The following PLEKHM3 variants were observed in gnomAD, a reference collection of about 807,000 sequenced individuals.
PLEKHM3 encodes the protein pleckstrin homology domain containing M3.
In PLEKHM3, 45 loss-of-function variants were observed where a neutral mutation model predicts 81.8. That is an observed-to-expected ratio of 0.55 (90% confidence interval 0.43 to 0.71). The LOEUF (loss-of-function observed/expected upper bound fraction) is 0.71. Among genes scored for constraint, PLEKHM3 ranks in the 30% least tolerant of loss-of-function variants. The pLI is 0.00. For missense variants in PLEKHM3, 788 were observed against 924.3 expected (o/e 0.85, Z 1.91); for synonymous variants, 352 against 356.4 (o/e 0.99, Z 0.14).
At chr2:207,936,059 T>A (rs1387599580) in intron 4 of PLEKHM3, among the ~76,000 whole-genome samples, 2 of 152,244 alleles carry the variant, frequency 1.3e-5, no homozygotes, top group Non-Finnish European at 2.9e-5. Flanking sequence ...CATAGTTCAC[T>A]GTAACTTCGA....
intron 7 of PLEKHM3, among the ~76,000 whole-genome samples, chr2:207,841,503 A>ATATATATATATATATATATATG (rs1332419058): frequency 7.5e-6 from 1 of 133,278 alleles, no homozygotes; most frequent in Non-Finnish European, 1.6e-5. Flanking sequence ...ATATATATAT[A>ATATATATATATATATATATATG]TATATTCACC....
chr2:207,842,223 C>T (rs577298838), intron 7 of PLEKHM3, among the ~76,000 whole-genome samples: 29 of 152,174 alleles, frequency 1.9e-4, no homozygotes, highest in African/African-American at 4.6e-4. Context: ...CATGAGCCAC[C>T]GCGCCTGGCC....
At chr2:207,979,814 G>T (rs1461064102) in intron 2 of PLEKHM3, among the ~76,000 whole-genome samples, 1 of 152,162 alleles carries the variant, frequency 6.6e-6, no homozygotes, top group East Asian at 1.9e-4. Context: ...AAGAGAAAAG[G>T]AGAGAAATGA....
chr2:207,895,501 A>G (rs2105879019), intron 6 of PLEKHM3, among the ~76,000 whole-genome samples: 1 of 152,314 alleles, frequency 6.6e-6, no homozygotes, highest in Middle Eastern at 3.4e-3. Flanking sequence ...CTAGCCAAGA[A>G]TCCTTTCACA....
chr2:207,885,966 C>A (rs1687873827), intron 6 of PLEKHM3, among the ~76,000 whole-genome samples: 1 of 152,146 alleles, frequency 6.6e-6, no homozygotes, highest in Non-Finnish European at 1.5e-5. Context: ...TGGGAAGAAT[C>A]ATATCTGAGC....
chr2:207,843,914 A>C lies in PLEKHM3; in HGVS notation c.2109-15418T>G, dbSNP rs2092368276. On this transcript the variant is annotated intron_variant, in intron 7 of 7. Transcript: ENST00000427836. The surrounding 1 kb of genome is among the most constrained non-coding windows in gnomAD (Gnocchi z 4.4). ...AGACCAGTCTGAGCAACATATTGAG[A>C]TCTTGTCTCCACAGATAAATTAACC... Among the ~76,000 whole-genome samples, 1 of 151,982 alleles carries C rather than the reference A, an allele frequency of 6.6e-6. No individual in the cohort carries two copies. The highest frequency in any genetic ancestry group is 1.5e-5 in the Non-Finnish European group (1 of 67,986).
rs541574567 is a variant in PLEKHM3, at chr2:207,925,147, GTTTTTTT to G, written c.1886+5772_1886+5778del. Among the ~76,000 whole-genome samples the G allele has an allele frequency of 7.1e-4, 69 of 97,432 alleles. No individual in the cohort carries two copies. The Middle Eastern group carries it at 0.038, about 54-fold the overall frequency. The allele number at this position is 97,432 out of a possible 152,430, so 63.9% of individuals were successfully genotyped here. On this transcript the variant is annotated intron_variant, in intron 5 of 7. Transcript: ENST00000427836. Reference sequence around the variant, plus strand: ...GAACAGGGTTGTTTTTTTGTTTTTTGTTTTTTTTTTTTAGTGAGAGGGCAGGTAAAAA... The same window carrying G: ...GAACAGGGTTGTTTTTTTGTTTTTTGTTTTTAGTGAGAGGGCAGGTAAAAA...
rs144795076 is a variant in PLEKHM3, at chr2:207,925,547, G to A, written c.1886+5379C>T. ...ATGAGGTGGTATTGTCTCCAGGTGA[G>A]AAAACTGGCTCTGAAAGCTAACAGA... is the stretch of plus-strand genomic sequence containing the variant. On this transcript the variant is annotated intron_variant, in intron 5 of 7. Coordinates refer to ENST00000427836, the MANE Select transcript of PLEKHM3 (RefSeq NM_001080475.3). Among the ~76,000 whole-genome samples the A allele has an allele frequency of 3.7e-3, 565 of 152,350 alleles. 2 individuals are homozygous for A. Among genetic ancestry groups the A allele is most frequent in the African/African-American group, 0.013 (542 of 41,580 alleles).
chr2:207,984,139 A>C (rs954748796), intron 2 of PLEKHM3, among the ~76,000 whole-genome samples: 32 of 152,084 alleles, frequency 2.1e-4, no homozygotes, highest in African/African-American at 7.5e-4. Context: ...AAAAATCGCA[A>C]ATTTCTGCCA....
At chr2:207,837,632 C>CTTTTTTT (rs756408346) in intron 7 of PLEKHM3, among the ~76,000 whole-genome samples, 12 of 106,006 alleles carry the variant, frequency 1.1e-4, no homozygotes, top group African/African-American at 1.5e-4. Flanking sequence ...ATAGTTCTCC[C>CTTTTTTT]TTTTTTTTTT....
intron 6 of PLEKHM3, among the ~76,000 whole-genome samples, chr2:207,902,505 C>T (rs185209363): frequency 2.6e-5 from 4 of 152,214 alleles, no homozygotes; most frequent in East Asian, 1.9e-4. Flanking sequence ...TGAGGTCACA[C>T]GGATGACAAT....
intron 5 of PLEKHM3, among the ~76,000 whole-genome samples, chr2:207,912,972 C>T (rs981365750): frequency 6.6e-6 from 1 of 152,110 alleles, no homozygotes; most frequent in Admixed American, 6.5e-5. Context: ...CCGGCAGCTT[C>T]CCATCTGGGT....
At chr2:207,970,230 G>A (rs1691067042) in intron 3 of PLEKHM3, among the ~76,000 whole-genome samples, 1 of 151,802 alleles carries the variant, frequency 6.6e-6, no homozygotes, top group African/African-American at 2.4e-5. Flanking sequence ...GGAGAGGAAA[G>A]AGGAGGTAGG....
At chr2:207,952,902 C>A (rs1171507315) in intron 3 of PLEKHM3, among the ~76,000 whole-genome samples, 3 of 152,196 alleles carry the variant, frequency 2.0e-5, no homozygotes, top group Non-Finnish European at 4.4e-5. Context: ...AATCAGTGAT[C>A]CAATACTTTT....
chr2:207,924,156 C>T (rs184688028), intron 5 of PLEKHM3, among the ~76,000 whole-genome samples: 6 of 151,378 alleles, frequency 4.0e-5, no homozygotes, highest in African/African-American at 9.7e-5. Flanking sequence ...CTGCCCACCT[C>T]GGCCTCCCAA....
At chr2:207,948,925 C>T (rs902745444) in intron 3 of PLEKHM3, among the ~76,000 whole-genome samples, 1 of 152,162 alleles carries the variant, frequency 6.6e-6, no homozygotes, top group African/African-American at 2.4e-5. Flanking sequence ...GATCCGCCTG[C>T]CTTGGACTCC....
At chr2:207,926,262 T>C (rs1296235947) in intron 5 of PLEKHM3, among the ~76,000 whole-genome samples, 1 of 152,190 alleles carries the variant, frequency 6.6e-6, no homozygotes, top group East Asian at 1.9e-4. Context: ...AAAGCTTCAC[T>C]TTGTGTGTGC....
chr2:207,923,557 A>G (rs772236314), intron 5 of PLEKHM3, among the ~76,000 whole-genome samples: 7 of 152,070 alleles, frequency 4.6e-5, no homozygotes, highest in African/African-American at 7.2e-5. Flanking sequence ...CGGTGAGCCG[A>G]GATGGCACCA....
intron 6 of PLEKHM3, among the ~76,000 whole-genome samples, chr2:207,862,888 A>T (rs2092474905): frequency 2.0e-5 from 3 of 152,216 alleles, no homozygotes; most frequent in Admixed American, 6.5e-5. Context: ...TGGTGGTTCC[A>T]TTCAATTGCC....
Sources: gnomAD v4.1 joint callset for allele counts (sites outside exome capture counted in the v4.1 genomes callset) on GRCh38, gnomAD v4.1.1 for gene constraint, Gnocchi (gnomAD v3.1) non-coding constraint, MANE v1.5 for transcripts, NCBI Gene and HGNC (gene_info 2026-07-23, HGNC 2026-07-21) for gene names.